FAM78B: variants seen among roughly 807,000 people sequenced by gnomAD.
FAM78B encodes family with sequence similarity 78 member B, also known as protein FAM78B.
A neutral mutation model predicts 20.0 loss-of-function variants in FAM78B; 10 were observed. The observed-to-expected ratio is 0.50, with a 90% confidence interval of 0.31 to 0.85. FAM78B has a LOEUF of 0.85. Among genes scored for constraint, FAM78B ranks in the 40% least tolerant of loss-of-function variants. The probability of loss-of-function intolerance (pLI) is 0.05; values close to 1 mark genes in which losing one functional copy is unlikely to be tolerated. For missense variants in FAM78B, 283 were observed against 345.0 expected, an observed-to-expected ratio of 0.82 and a Z score of 1.42; for synonymous variants, 135 against 132.8, an observed-to-expected ratio of 1.02 and a Z score of -0.12.
chr1:166,136,997 A>C (rs1655089145), intron 1 of FAM78B, among the ~76,000 whole-genome samples: 1 of 152,182 alleles, frequency 6.6e-6, no homozygotes, highest in Admixed American at 6.5e-5. Flanking sequence ...CTAAGCTCCT[A>C]ATGGAAAGAG....
At chr1:166,112,405 C>G (rs1654090476) in intron 1 of FAM78B, among the ~76,000 whole-genome samples, 1 of 152,158 alleles carries the variant, frequency 6.6e-6, no homozygotes, top group Non-Finnish European at 1.5e-5. Flanking sequence ...TTTAGGTCAA[C>G]AGTCTGAATT....
downstream of FAM78B, among the ~76,000 whole-genome samples, chr1:166,056,113 T>C (rs778165974): frequency 3.9e-5 from 6 of 152,154 alleles, no homozygotes; most frequent in Non-Finnish European, 7.3e-5. Flanking sequence ...AGAGGCGTCT[T>C]AGTTAGACAT....
intron 1 of FAM78B, among the ~76,000 whole-genome samples, chr1:166,071,705 T>A (rs1371897981): frequency 6.6e-6 from 1 of 152,232 alleles, no homozygotes; most frequent in African/African-American, 2.4e-5. Context: ...CACAAGGGGA[T>A]GAAGGCTTAA....
At chr1:166,064,184 T>C (rs886805739) in intron 2 of FAM78B, among the ~76,000 whole-genome samples, 1 of 152,084 alleles carries the variant, frequency 6.6e-6, no homozygotes, top group African/African-American at 2.4e-5. Context: ...TCCAGTGTGG[T>C]GAGACAGCCT....
At chr1:166,153,917 C>T (rs1278395140) in intron 1 of FAM78B, among the ~76,000 whole-genome samples, 1 of 152,200 alleles carries the variant, frequency 6.6e-6, no homozygotes, top group Non-Finnish European at 1.5e-5. Context: ...CTTCCCCAAC[C>T]CCACCTCCTT....
chr1:166,070,828 G>T, intron 1 of FAM78B, 65 bp from the exon 2 acceptor site: 1 of 1,481,436 alleles, frequency 6.8e-7, no homozygotes, highest in East Asian at 2.3e-5. Context: ...AAGCTGGAGA[G>T]GTGCTCACTG....
intron 1 of FAM78B, among the ~76,000 whole-genome samples, chr1:166,105,878 A>G (rs1241181038): frequency 3.3e-5 from 5 of 151,910 alleles, no homozygotes; most frequent in African/African-American, 1.2e-4. Context: ...AGGATTATAA[A>G]TCATGCTGCT....
chr1:166,109,810 A>G (rs1479179558), intron 1 of FAM78B, among the ~76,000 whole-genome samples: 14 of 33,562 alleles, frequency 4.2e-4, no homozygotes, highest in African/African-American at 1.5e-3. Context: ...ATATATGTAT[A>G]TATGTATATA....
chr1:166,056,952 C>T (rs887731377), downstream of FAM78B, among the ~76,000 whole-genome samples: 5 of 152,002 alleles, frequency 3.3e-5, no homozygotes, highest in African/African-American at 1.2e-4. Flanking sequence ...TAAGAGAGGC[C>T]CAAGGAAGCT....
intron 1 of FAM78B, among the ~76,000 whole-genome samples, chr1:166,084,218 C>T (rs183970636): frequency 9.9e-5 from 13 of 131,066 alleles, no homozygotes; most frequent in African/African-American, 3.7e-4. Flanking sequence ...CACACACACA[C>T]ACACACACAC....
At chr1:166,142,306 C>G (rs1205459929) in intron 1 of FAM78B, among the ~76,000 whole-genome samples, 2 of 152,190 alleles carry the variant, frequency 1.3e-5, no homozygotes, top group Non-Finnish European at 2.9e-5. Context: ...CCAACCTAGA[C>G]TCTCCCAGAC....
At chr1:166,149,296 G>A (rs988130423) in intron 1 of FAM78B, among the ~76,000 whole-genome samples, 2 of 152,124 alleles carry the variant, frequency 1.3e-5, no homozygotes, top group African/African-American at 4.8e-5. Flanking sequence ...TCACTGAATT[G>A]AACTGTTATA....
At chr1:166,082,234 C>T (rs1156621296) in intron 1 of FAM78B, among the ~76,000 whole-genome samples, 1 of 152,218 alleles carries the variant, frequency 6.6e-6, no homozygotes, top group African/African-American at 2.4e-5. Context: ...CCTTCTGGCT[C>T]TCTAGACTTC....
intron 1 of FAM78B, among the ~76,000 whole-genome samples, chr1:166,157,100 G>A (rs1655935357): frequency 6.9e-6 from 1 of 145,908 alleles, no homozygotes; most frequent in South Asian, 2.2e-4. Flanking sequence ...GGCTCCAGAT[G>A]TACAGAGCAA....
chr1:166,141,230 C>G (rs1655264534), intron 1 of FAM78B, among the ~76,000 whole-genome samples: 1 of 152,222 alleles, frequency 6.6e-6, no homozygotes, highest in Admixed American at 6.5e-5. Context: ...GGTCTGATCT[C>G]TGCCCTCATG....
intron 1 of FAM78B, among the ~76,000 whole-genome samples, chr1:166,087,848 C>T (rs1652895007): frequency 1.3e-5 from 2 of 152,186 alleles, no homozygotes; most frequent in Non-Finnish European, 2.9e-5. Context: ...GGGAGACACA[C>T]AAAGATGACT....
At position 166,070,559 on chromosome 1, in the gene FAM78B, AT is replaced by A; in HGVS notation, c.467del (p.Asn156MetfsTer21). ...TCTTGATTCTTGTGAGCAGTGGCAC[AT>A]TGCTGTCACTCACAGGCACTGCCCA... ...VTWAVPVSDS[N>X]VPLLTRIKRD... On this transcript the variant is annotated frameshift_variant, in exon 2 of 2. Transcript: ENST00000354422. LOFTEE classifies it high-confidence loss of function. 6.2e-7 allele frequency: 1 copy of A among 1,613,966 alleles called. No individual in the cohort carries two copies. The highest frequency in any genetic ancestry group is 8.5e-7 in the Non-Finnish European group (1 of 1,179,982).
At chr1:166,150,290 A>C (rs1008167266) in intron 1 of FAM78B, among the ~76,000 whole-genome samples, 1 of 152,212 alleles carries the variant, frequency 6.6e-6, no homozygotes, top group African/African-American at 2.4e-5. Flanking sequence ...GTGGAGTGCT[A>C]AGTAAAAAGA....
At chr1:166,124,144 G>GC (rs1654559731) in intron 1 of FAM78B, among the ~76,000 whole-genome samples, 1 of 152,186 alleles carries the variant, frequency 6.6e-6, no homozygotes, top group Non-Finnish European at 1.5e-5. Flanking sequence ...ACACCAGTCT[G>GC]CTTTATGCTT....
Sources: gnomAD v4.1 joint callset for allele counts (sites outside exome capture counted in the v4.1 genomes callset) on GRCh38, gnomAD v4.1.1 for gene constraint, MANE v1.5 for transcripts, NCBI Gene and HGNC (gene_info 2026-07-23, HGNC 2026-07-21) for gene names.